RECK: variants seen among roughly 807,000 people sequenced by gnomAD.
RECK encodes reversion inducing cysteine rich protein with kazal motifs.
RECK carries 69 observed loss-of-function variants against 115.1 expected under a neutral mutation model. That is an observed-to-expected ratio of 0.60 (90% CI 0.49 to 0.73). RECK has a LOEUF of 0.73. RECK is among the 30% of genes least tolerant of loss of function. RECK has a pLI of 0.00. For missense variants in RECK, 1,047 were observed against 1,203.7 expected (o/e 0.87, Z 1.93); for synonymous variants, 414 against 419.7 (o/e 0.99, Z 0.17).
Position 36,122,814 on chromosome 9 carries a change from C to G in RECK, c.2695-10C>G. 1 of 1,608,988 alleles carries G rather than the reference C, an allele frequency of 6.2e-7. No homozygotes were observed. Among genetic ancestry groups the G allele is most frequent in the Non-Finnish European group, 8.5e-7 (1 of 1,175,668 alleles). ...GTTTTATATTAAGGGAACCTTGTTTCTCCTCACAGATTGAAGCCTGCAATA... is the reference window on the plus strand; with the variant it reads ...GTTTTATATTAAGGGAACCTTGTTTGTCCTCACAGATTGAAGCCTGCAATA... On this transcript the variant is annotated splice_polypyrimidine_tract_variant and intron_variant, in intron 20 of 20. Transcript: ENST00000377966.
At chr9:36,076,285 C>G (rs1055531926) in intron 6 of RECK, among the ~76,000 whole-genome samples, 3 of 152,136 alleles carry the variant, frequency 2.0e-5, no homozygotes, top group Non-Finnish European at 2.9e-5. Context: ...AACCAGTTTC[C>G]TATTTTAAAA....
intron 7 of RECK, among the ~76,000 whole-genome samples, chr9:36,082,813 A>G (rs1233365216): frequency 6.6e-6 from 1 of 152,230 alleles, no homozygotes; most frequent in Admixed American, 6.5e-5. Context: ...AGTTATATAA[A>G]TGTCAAATTT....
At chr9:36,051,476 A>G (rs934574594) in intron 1 of RECK, among the ~76,000 whole-genome samples, 2 of 152,210 alleles carry the variant, frequency 1.3e-5, no homozygotes, top group Admixed American at 1.3e-4. Flanking sequence ...CCAGTTCCAC[A>G]GAAAGAACCT....
intron 13 of RECK, among the ~76,000 whole-genome samples, chr9:36,105,786 A>G (rs1206210251): frequency 6.6e-6 from 1 of 152,238 alleles, no homozygotes; most frequent in Non-Finnish European, 1.5e-5. Context: ...TTTAAGGGTG[A>G]AGGATTTTTA....
At chr9:36,104,275 C>T (rs1823675203) in intron 12 of RECK, among the ~76,000 whole-genome samples, 2 of 76,184 alleles carry the variant, frequency 2.6e-5, no homozygotes, top group Admixed American at 1.8e-4. Context: ...ACATACATAG[C>T]ATGTGTGTGT....
chr9:36,070,227 CAT>C (rs1822174315), intron 6 of RECK, among the ~76,000 whole-genome samples: 1 of 151,902 alleles, frequency 6.6e-6, no homozygotes, highest in African/African-American at 2.4e-5. Context: ...ATAATTAAAA[CAT>C]AGTAACAGTA....
chr9:36,066,093 A>G (rs1307471281), intron 6 of RECK, among the ~76,000 whole-genome samples: 2 of 152,296 alleles, frequency 1.3e-5, no homozygotes, highest in East Asian at 1.9e-4. Context: ...GGGGGAAAAA[A>G]TACTAAGTTA....
In RECK at chr9:36,112,424, T is replaced by A. The variant is rs369829569; in HGVS notation, c.2008T>A (p.Ser670Thr). The change falls in exon 16 of 21, where the codon TCA becomes ACA. Residue 670 changes from serine to threonine, a missense_variant. Physicochemically the swap from Ser to Thr is moderately conservative, Grantham distance 58. Transcript: ENST00000377966. ...GLQDHQFEFG[S>T]CMSKDPCNPN... ...CCAAGACCATCAGTTTGAGTTTGGA[T>A]CATGCATGTCAAAGGATCCATGTAA... 6.2e-7 allele frequency: 1 copy of A among 1,614,116 alleles called. No individual in the cohort carries two copies. Among genetic ancestry groups the A allele is most frequent in the Non-Finnish European group, 8.5e-7 (1 of 1,180,036 alleles).
chr9:36,075,067 G>T (rs904098964), intron 6 of RECK, among the ~76,000 whole-genome samples: 2 of 152,204 alleles, frequency 1.3e-5, no homozygotes, highest in African/African-American at 4.8e-5. Context: ...GCATGTTCAC[G>T]TGGTGGTGGC....
chr9:36,120,972 G>A (rs535701043), intron 19 of RECK, among the ~76,000 whole-genome samples: 18 of 152,290 alleles, frequency 1.2e-4, no homozygotes, highest in Middle Eastern at 3.4e-3. Context: ...CACAGTCAGC[G>A]TGAGCCTTTC....
chr9:36,118,785 G>A lies in RECK; in HGVS notation c.2282G>A (p.Cys761Tyr). 1 of 1,614,136 alleles carries A rather than the reference G, an allele frequency of 6.2e-7. No individual in the cohort carries two copies. The highest frequency in any genetic ancestry group is 1.1e-5 in the South Asian group (1 of 91,080). Residue 761 changes from cysteine (C) to tyrosine (Y), a missense_variant, in exon 18 of 21, where the codon TGT (cysteine) becomes TAT (tyrosine). Cys to Tyr is a radical substitution (Grantham distance 194). Coordinates refer to ENST00000377966, the MANE Select transcript of RECK (RefSeq NM_021111.3). ...TTTTGCAGAGCAACCGAGCCCGTAT[G>A]TGGGCACAATGGTGAGACCTACAGC... ...QPFCRATEPV[C>Y]GHNGETYSSV...
At chr9:36,117,659 A>G (rs1286468782) in intron 17 of RECK, among the ~76,000 whole-genome samples, 1 of 152,190 alleles carries the variant, frequency 6.6e-6, no homozygotes, top group African/African-American at 2.4e-5. Flanking sequence ...TCAGTTTTGT[A>G]GGTTTATGGA....
intron 4 of RECK, among the ~76,000 whole-genome samples, chr9:36,063,542 A>C (rs1459948180): frequency 6.6e-6 from 1 of 152,150 alleles, no homozygotes; most frequent in Non-Finnish European, 1.5e-5. Flanking sequence ...TGACTTAAAG[A>C]GCATTTAGGG....
At chr9:36,095,238 C>T (rs1823293297) in intron 10 of RECK, among the ~76,000 whole-genome samples, 2 of 152,064 alleles carry the variant, frequency 1.3e-5, no homozygotes, top group African/African-American at 4.8e-5. Context: ...CCAGTAAATC[C>T]TGCAATTTAG....
chr9:36,074,061 A>G (rs929242494), intron 6 of RECK, among the ~76,000 whole-genome samples: 2 of 152,172 alleles, frequency 1.3e-5, no homozygotes, highest in African/African-American at 2.4e-5. Flanking sequence ...GTTCCAGAAC[A>G]TCATTACCTC....
chr9:36,052,394 A>G, intron 2 of RECK, 71 bp downstream of exon 2: 1 of 1,165,642 alleles, frequency 8.6e-7, no homozygotes, highest in East Asian at 2.4e-5. Context: ...GCACTTTGGG[A>G]GGCCAGGGTG....
rs148253726 is a variant in RECK at position 36,059,853 on chromosome 9, A to G, written c.235-266A>G. Among the ~76,000 whole-genome samples the G allele has an allele frequency of 4.8e-3, 734 of 152,324 alleles. 2 individuals carry two copies. Among genetic ancestry groups the G allele is most frequent in the Middle Eastern group, 0.017 (5 of 294 alleles). On this transcript the variant is annotated intron_variant, in intron 3 of 20. Transcript: ENST00000377966. ...TTCCCTTTAGTCTTCAGTTTTGTCTATAGGCTTGGAAACAGTGATTCCAGT... is the reference window on the plus strand; with the variant it reads ...TTCCCTTTAGTCTTCAGTTTTGTCTGTAGGCTTGGAAACAGTGATTCCAGT...
In RECK at chr9:36,109,950, C is replaced by A. The variant is rs10972726; in HGVS notation, c.1766-7C>A. The A allele has an allele frequency of 0.35, 558,728 of 1,598,320 alleles. 102,408 individuals carry two copies. Among genetic ancestry groups the A allele is most frequent in the Middle Eastern group, 0.46 (2,780 of 6,010 alleles). ...ATAGATCAACATTTTCTTTCTGTTT[C>A]TGTCAGGTCATGGAACATCCTTTAG... is the stretch of plus-strand genomic sequence containing the variant. On this transcript the variant is annotated splice_region_variant and splice_polypyrimidine_tract_variant and intron_variant, in intron 14 of 20. Coordinates refer to ENST00000377966, the MANE Select transcript of RECK (RefSeq NM_021111.3).
chr9:36,038,886 G>T (rs996954567), intron 1 of RECK, among the ~76,000 whole-genome samples: 1 of 152,032 alleles, frequency 6.6e-6, no homozygotes, highest in Admixed American at 6.5e-5. Flanking sequence ...TTTCTTTTGG[G>T]AGTAATGAAA....
Sources: allele counts gnomAD v4.1 joint callset (sites outside exome capture counted in the v4.1 genomes callset), GRCh38; gene constraint gnomAD v4.1.1; transcripts MANE v1.5; gene names NCBI Gene and HGNC (gene_info 2026-07-23, HGNC 2026-07-21).